Variants in PLXNA4 observed in about 807,000 individuals in gnomAD.
PLXNA4 encodes plexin A4.
Under a neutral mutation model 191.8 loss-of-function variants are expected in PLXNA4, and 44 were observed. The observed-to-expected ratio is 0.23, with a 90% CI of 0.18 to 0.29. The LOEUF is 0.29. PLXNA4 is among the 10% of genes least tolerant of loss of function. The pLI is 1.00. For synonymous variants in PLXNA4, 1,082 were observed against 1,009.5 expected (o/e 1.07, Z -1.36); for missense variants, 1,800 against 2,488.8 (o/e 0.72, Z 5.89).
intron 3 of PLXNA4, among the ~76,000 whole-genome samples, chr7:132,457,087 G>A (rs2117334689): frequency 6.6e-6 from 1 of 152,234 alleles, no homozygotes; most frequent in African/African-American, 2.4e-5. Flanking sequence ...TAGATTTATA[G>A]CACAATTGCA....
chr7:132,138,479 G>A (rs1299342068), intron 30 of PLXNA4, among the ~76,000 whole-genome samples: 1 of 152,178 alleles, frequency 6.6e-6, no homozygotes, highest in Non-Finnish European at 1.5e-5. Flanking sequence ...TACCTCCTCT[G>A]GGAGTGGGAG....
intron 3 of PLXNA4, among the ~76,000 whole-genome samples, chr7:132,399,355 ACTT>A (rs1346573826): frequency 6.6e-6 from 1 of 152,202 alleles, no homozygotes; most frequent in Non-Finnish European, 1.5e-5. Flanking sequence ...AGTCATGATC[ACTT>A]CTTCAGCATT....
intron 25 of PLXNA4, among the ~76,000 whole-genome samples, chr7:132,155,337 A>C (rs1458089214): frequency 6.6e-6 from 1 of 152,198 alleles, no homozygotes. Flanking sequence ...CCATCTGTGC[A>C]GGGGAAGAGA....
At chr7:132,615,465 C>T (rs1585406780) in intron 2 of PLXNA4, among the ~76,000 whole-genome samples, 1 of 152,172 alleles carries the variant, frequency 6.6e-6, no homozygotes, top group Admixed American at 6.5e-5. Flanking sequence ...TGCCCGGCCT[C>T]AGCGTCCCTG....
In PLXNA4 at chr7:132,198,632, A is replaced by G. The variant is rs1797330775; in HGVS notation, c.2591T>C (p.Ile864Thr). The change falls in exon 13 of 32, where the codon ATC (isoleucine) becomes ACC (threonine). Residue 864 changes from isoleucine (I) to threonine (T), a missense_variant. Ile to Thr is a moderately conservative substitution (Grantham distance 89). Around this residue, in one of 6 missense-constraint regions of PLXNA4, gnomAD observed 1,397 missense variants for 1,880.4 expected, o/e 0.74. Transcript: ENST00000321063. The stretch of plus-strand genomic sequence containing the variant: ...CCCTTCCCGGGGGCCTGTCACCGGG[A>G]TTATCTGGAGGGAGGAAGAGAAATA... ...KCTNPRITEIIPVTGPREGGT... is the reference protein window; with the variant it reads ...KCTNPRITEITPVTGPREGGT... 1 of 1,614,038 alleles carries G rather than the reference A, an allele frequency of 6.2e-7. No homozygotes were observed. Among genetic ancestry groups the G allele is most frequent in the East Asian group, 2.2e-5 (1 of 44,866 alleles).
chr7:132,384,147 A>T (rs1805016699), intron 3 of PLXNA4: 1 of 985,240 alleles, frequency 1.0e-6, no homozygotes. Context: ...ATTCCCTCCC[A>T]CAGGCCAGGA....
At chr7:132,391,189 G>A (rs1585071774) in intron 3 of PLXNA4, among the ~76,000 whole-genome samples, 1 of 152,194 alleles carries the variant, frequency 6.6e-6, no homozygotes, top group South Asian at 2.1e-4. Flanking sequence ...GCACGTGTGT[G>A]CATGAGTGTG....
chr7:132,305,516 C>T (rs1476975942), intron 3 of PLXNA4, among the ~76,000 whole-genome samples: 2 of 152,206 alleles, frequency 1.3e-5, no homozygotes, highest in Admixed American at 6.5e-5. Flanking sequence ...CCCTGCCGAT[C>T]CACCAGTGGG....
chr7:132,608,570 G>C (rs1337041327), intron 2 of PLXNA4, among the ~76,000 whole-genome samples: 1 of 152,130 alleles, frequency 6.6e-6, no homozygotes. Context: ...TTCACCCTTT[G>C]CCCTCTGACA....
intron 30 of PLXNA4, among the ~76,000 whole-genome samples, chr7:132,137,656 C>T (rs1371396657): frequency 6.8e-6 from 1 of 147,256 alleles, no homozygotes; most frequent in Admixed American, 6.7e-5. Flanking sequence ...GGCTACAAAC[C>T]ACCATTATTA....
At chr7:132,588,686 G>GGAC (rs1802549313) in intron 2 of PLXNA4, among the ~76,000 whole-genome samples, 1 of 121,722 alleles carries the variant, frequency 8.2e-6, no homozygotes, top group Non-Finnish European at 1.8e-5. Context: ...GAAGGGAGGA[G>GGAC]GGAGGGAGGG....
chr7:132,463,939 C>T (rs956933831), intron 3 of PLXNA4, among the ~76,000 whole-genome samples: 14 of 152,198 alleles, frequency 9.2e-5, no homozygotes, highest in African/African-American at 2.7e-4. Flanking sequence ...TCCAATACAT[C>T]TCAGGGTCCC....
chr7:132,332,740 G>A (rs1802641508), intron 3 of PLXNA4, among the ~76,000 whole-genome samples: 2 of 151,834 alleles, frequency 1.3e-5, no homozygotes, highest in Admixed American at 1.3e-4. Flanking sequence ...AGGGCCTGTA[G>A]TCCCAGCTAC....
At chr7:132,137,147 G>C (rs1247968041) in intron 30 of PLXNA4, among the ~76,000 whole-genome samples, 5 of 152,148 alleles carry the variant, frequency 3.3e-5, no homozygotes, top group Non-Finnish European at 2.9e-5. Flanking sequence ...TTGCTCCCAG[G>C]GTAAGCTGTC....
At chr7:132,638,681 GACCATTTGT>G (rs1455620880) in intron 2 of PLXNA4, among the ~76,000 whole-genome samples, 2 of 151,746 alleles carry the variant, frequency 1.3e-5, no homozygotes, top group Non-Finnish European at 2.9e-5. Context: ...AAAAAATGCC[GACCATTTGT>G]ACCCATGGTT....
Position 132,174,810 on chromosome 7 carries a change from T to C in PLXNA4, c.3985A>G (p.Ile1329Val). The C allele has an allele frequency of 1.2e-6, 2 of 1,614,158 alleles. No homozygotes were observed. Among genetic ancestry groups the C allele is most frequent in the Non-Finnish European group, 1.7e-6 (2 of 1,179,978 alleles). Residue 1329 changes from isoleucine (I) to valine (V), a missense_variant, in exon 21 of 32, where the codon ATT becomes GTT. Coordinates refer to ENST00000321063, the MANE Select transcript of PLXNA4 (RefSeq NM_020911.2). ...TCCCGGAGGACAGGGTGGTCTTCAA[T>C]TCCTGGGAACAGCACCCGCATGGTG... Reference protein sequence around the residue: ...TYTMRVLFPGIEDHPVLRDLE... With the variant: ...TYTMRVLFPGVEDHPVLRDLE...
chr7:132,546,111 T>C lies in PLXNA4; in HGVS notation c.-87+30311A>G, dbSNP rs534629465. Among the ~76,000 whole-genome samples, 56 of 152,356 alleles carry C rather than the reference T, an allele frequency of 3.7e-4. 1 individual carries two copies. In the South Asian group the frequency reaches 0.01, roughly 28 times the overall value. ...ACATCTGGTTCCCCTCTGTGATGTT[T>C]TGGCCATCACCCAAGTACTTGGGAT... On this transcript the variant is annotated intron_variant, in intron 1 of 31. Transcript: ENST00000321063.
At chr7:132,569,477 G>T (rs1801878942) in intron 1 of PLXNA4, among the ~76,000 whole-genome samples, 1 of 152,236 alleles carries the variant, frequency 6.6e-6, no homozygotes. Flanking sequence ...AGTCCTGCTT[G>T]CATCTGTTCT....
chr7:132,533,499 C>T (rs1267574056), intron 1 of PLXNA4, among the ~76,000 whole-genome samples: 3 of 152,226 alleles, frequency 2.0e-5, no homozygotes, highest in Non-Finnish European at 4.4e-5. Flanking sequence ...TCTAATAATT[C>T]AAGGATTCCC....
Sources: allele counts gnomAD v4.1 joint callset (sites outside exome capture counted in the v4.1 genomes callset), GRCh38; gene constraint gnomAD v4.1.1; regional missense constraint gnomAD v4.1.1; transcripts MANE v1.5; gene names NCBI Gene and HGNC (gene_info 2026-07-23, HGNC 2026-07-21).